Variants in PPP4R2 observed in about 807,000 individuals in gnomAD.
PPP4R2 encodes the protein serine/threonine-protein phosphatase 4 regulatory subunit 2.
A neutral mutation model predicts 47.2 loss-of-function variants in PPP4R2; 13 were observed. The observed-to-expected ratio is 0.28, with a 90% CI of 0.18 to 0.44. The LOEUF is 0.44. PPP4R2 is among the 20% of genes least tolerant of loss of function. The probability of loss-of-function intolerance (pLI) is 1.00; values close to 1 mark genes in which losing one functional copy is unlikely to be tolerated. For synonymous variants in PPP4R2, 151 were observed against 163.3 expected, an observed-to-expected ratio of 0.92 and a Z score of 0.57; for missense variants, 421 against 491.2, an observed-to-expected ratio of 0.86 and a Z score of 1.35.
chr3:72,998,678 A>G (rs1701401611), intron 2 of PPP4R2, among the ~76,000 whole-genome samples: 1 of 152,204 alleles, frequency 6.6e-6, no homozygotes, highest in Admixed American at 6.5e-5. Context: ...TTTGACTTGT[A>G]GACTTTCTAA....
intron 2 of PPP4R2, among the ~76,000 whole-genome samples, chr3:73,045,348 T>A (rs2107306272): frequency 6.6e-6 from 1 of 152,216 alleles, no homozygotes; most frequent in Non-Finnish European, 1.5e-5. Context: ...CAGAATATTT[T>A]GGGACTATAT....
At position 73,026,711 on chromosome 3, in the gene PPP4R2, A is replaced by T. The variant is rs577748215; in HGVS notation, c.117-20475A>T. On this transcript the variant is annotated intron_variant, in intron 2 of 8. Coordinates refer to ENST00000356692, the MANE Select transcript of PPP4R2 (RefSeq NM_174907.4). The stretch of plus-strand genomic sequence containing the variant: ...TATGAGATTTTTGCGATTTTTTTTT[A>T]AAAAAAGCACATCAGCTATCATTAG... Among the ~76,000 whole-genome samples, 16 of 152,040 alleles carry T rather than the reference A, an allele frequency of 1.1e-4. No individual in the cohort carries two copies. The East Asian group carries it at 1.4e-3, about 13-fold the overall frequency.
intron 3 of PPP4R2, among the ~76,000 whole-genome samples, chr3:73,050,092 A>G (rs895028718): frequency 6.6e-6 from 1 of 151,778 alleles, no homozygotes; most frequent in African/African-American, 2.4e-5. Flanking sequence ...AGGGTGCATC[A>G]CCACACCCAG....
chr3:73,031,265 C>T lies in PPP4R2; in HGVS notation c.117-15921C>T, dbSNP rs1018860072. 9.2e-5 allele frequency among the ~76,000 whole-genome samples: 14 copies of T among 152,116 alleles called. No homozygotes were observed. The South Asian group carries it at 1.5e-3, about 16-fold the overall frequency. On this transcript the variant is annotated intron_variant, in intron 2 of 8. Coordinates refer to ENST00000356692, the MANE Select transcript of PPP4R2 (RefSeq NM_174907.4). ...TATTTCATTTATTTTTATGGCTGGG[C>T]GCGGTGGTTCACGCTTGTAATCCCG...
chr3:73,022,434 A>C (rs984250617), intron 2 of PPP4R2, among the ~76,000 whole-genome samples: 6 of 152,190 alleles, frequency 3.9e-5, no homozygotes, highest in Non-Finnish European at 7.3e-5. Context: ...TTTTAGTTAC[A>C]AGGTGAAAGT....
rs141506554 is a variant in PPP4R2, at chr3:73,004,007, T to C, written c.116+5849T>C. ...GAGCCACTGTGCCTGGCCTAACTTTTGTATTTTTAGTAGAGATGGGGTTTC... is the reference window on the plus strand; with the variant it reads ...GAGCCACTGTGCCTGGCCTAACTTTCGTATTTTTAGTAGAGATGGGGTTTC... On this transcript the variant is annotated intron_variant, in intron 2 of 8. Transcript: ENST00000356692. Among the ~76,000 whole-genome samples, 376 of 149,598 alleles carry C rather than the reference T, an allele frequency of 2.5e-3. 1 individual carries two copies. The highest frequency in any genetic ancestry group is 9.0e-3 in the African/African-American group (363 of 40,496).
intron 2 of PPP4R2, 82 bp from the exon 3 acceptor site, chr3:73,047,104 T>C (rs1356924442): frequency 1.4e-5 from 11 of 767,214 alleles, no homozygotes; most frequent in Non-Finnish European, 2.3e-5. Flanking sequence ...ATTAGTGTCA[T>C]AGTATATTTT....
In PPP4R2 at chr3:73,064,762, C is replaced by G. The variant is rs546669226; in HGVS notation, c.639-90C>G. 8.7e-6 allele frequency: 10 copies of G among 1,153,032 alleles called. No homozygotes were observed. The East Asian group carries it at 1.2e-4, about 14-fold the overall frequency. 71.4% of individuals were successfully genotyped at this position (1,153,032 alleles called of 1,614,324 possible). ...ATAATTTAACTTTGACACTGAAATA[C>G]AATTTAAAACATTATTTAACCTTAA... is the stretch of plus-strand genomic sequence containing the variant. On this transcript the variant is annotated intron_variant, in intron 7 of 8. Transcript: ENST00000356692.
intron 3 of PPP4R2, 89 bp downstream of exon 3, chr3:73,047,445 T>G: frequency 2.6e-6 from 2 of 759,724 alleles, no homozygotes; most frequent in Non-Finnish European, 4.0e-6. Flanking sequence ...GGTTGATGAT[T>G]GATTATCCAT....
intron 5 of PPP4R2, chr3:73,062,546 T>C: frequency 6.2e-7 from 1 of 1,613,974 alleles, no homozygotes; most frequent in Non-Finnish European, 8.5e-7. Flanking sequence ...TGGTTGGGAA[T>C]GAGAACGAGG....
intron 3 of PPP4R2, among the ~76,000 whole-genome samples, chr3:73,052,884 A>T (rs1702648732): frequency 6.6e-6 from 1 of 152,232 alleles, no homozygotes; most frequent in African/African-American, 2.4e-5. Flanking sequence ...AAGCAGGTAC[A>T]GTCAGTCACA....
chr3:73,038,703 G>C (rs1056248033), intron 2 of PPP4R2, among the ~76,000 whole-genome samples: 1 of 152,194 alleles, frequency 6.6e-6, no homozygotes, highest in Admixed American at 6.5e-5. Flanking sequence ...AGGCTAACCG[G>C]AATATACTGT....
At chr3:73,022,171 A>T (rs1701973899) in intron 2 of PPP4R2, among the ~76,000 whole-genome samples, 1 of 152,078 alleles carries the variant, frequency 6.6e-6, no homozygotes, top group African/African-American at 2.4e-5. Flanking sequence ...TGCTGTGATT[A>T]CAGGCACGAA....
intron 2 of PPP4R2, among the ~76,000 whole-genome samples, chr3:73,046,538 TTA>T (rs2107309133): frequency 6.6e-6 from 1 of 152,276 alleles, no homozygotes; most frequent in African/African-American, 2.4e-5. Context: ...AAAAAGGTGT[TTA>T]TGTTAATTTG....
chr3:73,042,912 A>G (rs1454769138), intron 2 of PPP4R2, among the ~76,000 whole-genome samples: 2 of 152,162 alleles, frequency 1.3e-5, no homozygotes, highest in Non-Finnish European at 2.9e-5. Context: ...CTCATGAGTT[A>G]GTGCCATAGA....
rs1261206912 is a variant in PPP4R2 at position 73,066,340 on chromosome 3, A to AT, written c.*620dup. 3 of 150,752 alleles carry AT rather than the reference A, an allele frequency of 2.0e-5. No individual in the cohort carries two copies. The highest frequency in any genetic ancestry group is 4.4e-5 in the Non-Finnish European group (3 of 67,698). The allele number at this position is 150,752 out of a possible 1,614,324, so 9.3% of individuals were successfully genotyped here. A position where few individuals can be genotyped will look rare whatever the true frequency, so the allele number is the denominator to read the frequency against. ...GTGGATACTTTTTCTATTGGTAATG[A>AT]TTGAGTTCACCTCTTTCAGAAGACA... On this transcript the variant is annotated 3_prime_UTR_variant, in exon 9 of 9. Transcript: ENST00000356692.
chr3:73,065,845 C>G lies in PPP4R2; in HGVS notation c.*123C>G, dbSNP rs563957573. ...GAGAAGCAGGTTGTAAAATAAAGTACTTTATGGATAATTCCTGAAAGAGTT... is the reference window on the plus strand; with the variant it reads ...GAGAAGCAGGTTGTAAAATAAAGTAGTTTATGGATAATTCCTGAAAGAGTT... On this transcript the variant is annotated 3_prime_UTR_variant, in exon 9 of 9. Transcript: ENST00000356692. The G allele has an allele frequency of 1.6e-6, 1 of 622,880 alleles. No homozygotes were observed. Among genetic ancestry groups the G allele is most frequent in the Non-Finnish European group, 2.7e-6 (1 of 367,614 alleles). The allele number at this position is 622,880 out of a possible 1,614,324, so 38.6% of individuals were successfully genotyped here. A position where few individuals can be genotyped will look rare whatever the true frequency, so the allele number is the denominator to read the frequency against.
At chr3:73,009,536 T>C (rs191840802) in intron 2 of PPP4R2, among the ~76,000 whole-genome samples, 333 of 152,340 alleles carry the variant, frequency 2.2e-3, no homozygotes, top group Non-Finnish European at 3.4e-3. Context: ...TCATAATGTT[T>C]ATGGACTATT....
chr3:73,054,420 G>T (rs1378742820), intron 3 of PPP4R2, among the ~76,000 whole-genome samples: 1 of 152,192 alleles, frequency 6.6e-6, no homozygotes, highest in Non-Finnish European at 1.5e-5. Flanking sequence ...TCTGACTTTT[G>T]TAAGACTTTG....
Sources: gnomAD v4.1 joint callset for allele counts (sites outside exome capture counted in the v4.1 genomes callset) on GRCh38, gnomAD v4.1.1 for gene constraint, MANE v1.5 for transcripts, NCBI Gene and HGNC (gene_info 2026-07-23, HGNC 2026-07-21) for gene names.